The following JAZF1 variants were observed in gnomAD, a reference collection of about 807,000 sequenced individuals.
JAZF1 encodes the protein JAZF zinc finger 1, also known as juxtaposed with another zinc finger protein 1.
JAZF1 carries 8 observed loss-of-function variants against 26.4 expected under a neutral mutation model. The observed-to-expected ratio is 0.30, with a 90% CI of 0.18 to 0.55. The LOEUF (loss-of-function observed/expected upper bound fraction) is 0.55. Among genes scored for constraint, JAZF1 ranks in the 20% least tolerant of loss-of-function variants. The pLI, the probability that JAZF1 is intolerant of heterozygous loss-of-function variation, is 0.94. For synonymous variants in JAZF1, 126 were observed against 122.3 expected (o/e 1.03, Z -0.20); for missense variants, 199 against 322.0 (o/e 0.62, Z 2.92).
intron 3 of JAZF1, among the ~76,000 whole-genome samples, chr7:27,873,643 C>G (rs375860874): frequency 6.6e-6 from 1 of 152,206 alleles, no homozygotes; most frequent in African/African-American, 2.4e-5. Context: ...CCTACTACCC[C>G]TTTTAACCAT....
chr7:28,179,587 G>A (rs1435963179), intron 1 of JAZF1, among the ~76,000 whole-genome samples: 18 of 151,306 alleles, frequency 1.2e-4, no homozygotes, highest in Admixed American at 1.2e-3. Context: ...AGCGGGCGCC[G>A]CCGCAGGGGC....
chr7:27,999,779 C>G (rs1786095214), intron 1 of JAZF1, among the ~76,000 whole-genome samples: 1 of 152,138 alleles, frequency 6.6e-6, no homozygotes, highest in Non-Finnish European at 1.5e-5. Flanking sequence ...TGCAGTACCA[C>G]AGAGGATACA....
chr7:28,180,315 T>A, intron 1 of JAZF1, 148 bp downstream of exon 1: 2 of 138,568 alleles, frequency 1.4e-5, no homozygotes, highest in South Asian at 1.3e-4. Context: ...CGCCCCCGCA[T>A]CCCGCCACCC....
At chr7:28,170,360 T>C in intron 1 of JAZF1, among the ~76,000 whole-genome samples, 1 of 95,784 alleles carries the variant, frequency 1.0e-5, no homozygotes, top group Admixed American at 1.1e-4. Flanking sequence ...TGTGTGTGTG[T>C]GTGTGTGTGT....
intron 1 of JAZF1, among the ~76,000 whole-genome samples, chr7:28,150,041 G>A (rs968574413): frequency 1.3e-5 from 2 of 152,034 alleles, no homozygotes; most frequent in African/African-American, 2.4e-5. Context: ...TTGAAGATAG[G>A]TTTTCTGAAG....
chr7:28,148,437 T>C (rs1232275049), intron 1 of JAZF1, among the ~76,000 whole-genome samples: 1 of 152,238 alleles, frequency 6.6e-6, no homozygotes, highest in African/African-American at 2.4e-5. Context: ...CAAGTGAATG[T>C]ACCCATTATT....
chr7:28,177,826 A>C (rs1783571484), intron 1 of JAZF1, among the ~76,000 whole-genome samples: 1 of 152,202 alleles, frequency 6.6e-6, no homozygotes, highest in Admixed American at 6.5e-5. Flanking sequence ...ATTTTCACCC[A>C]TGTCTTTTCA....
chr7:27,989,094 T>C (rs1477452982), intron 2 of JAZF1, among the ~76,000 whole-genome samples: 1 of 152,098 alleles, frequency 6.6e-6, no homozygotes, highest in African/African-American at 2.4e-5. Flanking sequence ...AACAGAGATG[T>C]AGACCAAAGG....
intron 1 of JAZF1, among the ~76,000 whole-genome samples, chr7:28,147,069 G>A (rs59759461): frequency 0.013 from 1,953 of 151,994 alleles, 32 homozygotes; most frequent in African/African-American, 0.045. Context: ...TGTTTGTCAG[G>A]CTGGTTCAAA....
chr7:27,964,932 G>A (rs1023043931), intron 2 of JAZF1, among the ~76,000 whole-genome samples: 2 of 152,104 alleles, frequency 1.3e-5, no homozygotes, highest in African/African-American at 4.8e-5. Flanking sequence ...ATTTATTGCG[G>A]TATCTGTGAC....
rs200670567 is a variant in JAZF1 at position 28,003,863 on chromosome 7, G to GT, written c.116-11883_116-11882insA. Among the ~76,000 whole-genome samples, 840 of 152,144 alleles carry GT rather than the reference G, an allele frequency of 5.5e-3. 8 individuals are homozygous for GT. Among genetic ancestry groups the GT allele is most frequent in the African/African-American group, 0.02 (810 of 41,498 alleles). On this transcript the variant is annotated intron_variant, in intron 1 of 4. Transcript: ENST00000283928. Reference sequence around the variant, plus strand: ...TTAGGACAAGCTGGGAGTCTAGAAGGAAAAGAAGTCTATAAAGAAGTAAGC... The same window carrying GT: ...TTAGGACAAGCTGGGAGTCTAGAAGGTAAAAGAAGTCTATAAAGAAGTAAGC...
At chr7:27,937,299 T>C (rs116869718) in intron 2 of JAZF1, among the ~76,000 whole-genome samples, 1 of 152,318 alleles carries the variant, frequency 6.6e-6, no homozygotes, top group East Asian at 1.9e-4. Flanking sequence ...AACCTCCCCC[T>C]ACCACTTACT....
intron 2 of JAZF1, among the ~76,000 whole-genome samples, chr7:27,967,273 G>T (rs1171677448): frequency 6.6e-6 from 1 of 151,986 alleles, no homozygotes; most frequent in African/African-American, 2.4e-5. Flanking sequence ...GATGCTGCAG[G>T]ACCCCCGTAC....
intron 1 of JAZF1, among the ~76,000 whole-genome samples, chr7:28,129,735 A>T (rs1055838450): frequency 2.0e-5 from 3 of 152,332 alleles, no homozygotes; most frequent in African/African-American, 4.8e-5. Flanking sequence ...TAAAAAATTT[A>T]AAAAAGAAAA....
chr7:27,838,906 G>A (rs1297996868), intron 4 of JAZF1, among the ~76,000 whole-genome samples: 1 of 152,204 alleles, frequency 6.6e-6, no homozygotes, highest in Non-Finnish European at 1.5e-5. Context: ...TGGGGCTGGA[G>A]CCAGCAGCCC....
At chr7:28,172,924 G>A (rs1272799294) in intron 1 of JAZF1, among the ~76,000 whole-genome samples, 3 of 152,180 alleles carry the variant, frequency 2.0e-5, no homozygotes, top group Admixed American at 2.0e-4. Context: ...TATCTCAAAA[G>A]CACTTTCAAG....
chr7:27,960,846 G>A (rs1785174221), intron 2 of JAZF1, among the ~76,000 whole-genome samples: 1 of 152,192 alleles, frequency 6.6e-6, no homozygotes, highest in Non-Finnish European at 1.5e-5. Flanking sequence ...AATGGCAAGG[G>A]AAGCAGCAGA....
At chr7:28,144,968 C>A (rs115992724) in intron 1 of JAZF1, among the ~76,000 whole-genome samples, 1 of 152,068 alleles carries the variant, frequency 6.6e-6, no homozygotes, top group Non-Finnish European at 1.5e-5. Flanking sequence ...TTTTTACTTA[C>A]AGTTAGGAGA....
At chr7:27,947,404 C>T (rs1264600715) in intron 2 of JAZF1, among the ~76,000 whole-genome samples, 1 of 152,168 alleles carries the variant, frequency 6.6e-6, no homozygotes, top group Non-Finnish European at 1.5e-5. Flanking sequence ...ATAACTACTA[C>T]ACAATAGTAG....
Sources: gnomAD v4.1 joint callset for allele counts (sites outside exome capture counted in the v4.1 genomes callset) on GRCh38, gnomAD v4.1.1 for gene constraint, MANE v1.5 for transcripts, NCBI Gene and HGNC (gene_info 2026-07-23, HGNC 2026-07-21) for gene names.